Variants in PCDHA1 observed in about 807,000 individuals in gnomAD.
PCDHA1 encodes protocadherin alpha-1.
PCDHA1 carries 42 observed loss-of-function variants against 61.3 expected under a neutral mutation model. That is an observed-to-expected ratio of 0.69 (90% CI 0.54 to 0.89). The LOEUF (loss-of-function observed/expected upper bound fraction) is 0.89, where lower values mean the gene tolerates loss of function less well. PCDHA1 is among the 40% of genes least tolerant of loss of function. PCDHA1 has a pLI of 0.00. For synonymous variants in PCDHA1, 610 were observed against 553.8 expected (o/e 1.10, Z -1.43); for missense variants, 1,256 against 1,235.3 (o/e 1.02, Z -0.25).
At chr5:141,009,104 T>G (rs2098399543) in intron 3 of PCDHA1, among the ~76,000 whole-genome samples, 1 of 152,220 alleles carries the variant, frequency 6.6e-6, no homozygotes, top group Non-Finnish European at 1.5e-5. Flanking sequence ...CATATGTTAC[T>G]ATGAAACTAG....
intron 1 of PCDHA1, among the ~76,000 whole-genome samples, chr5:140,939,663 C>T (rs1282923741): frequency 6.6e-6 from 1 of 152,116 alleles, no homozygotes; most frequent in Non-Finnish European, 1.5e-5. Context: ...ACAGGAATAA[C>T]CAACTTGTAT....
chr5:140,961,385 T>G (rs1480607533), intron 1 of PCDHA1, among the ~76,000 whole-genome samples: 3 of 152,204 alleles, frequency 2.0e-5, no homozygotes, highest in Non-Finnish European at 4.4e-5. Flanking sequence ...GTTTGAACTA[T>G]TCCATTAGTA....
chr5:140,996,678 G>T (rs922990686), intron 3 of PCDHA1, among the ~76,000 whole-genome samples: 28 of 152,162 alleles, frequency 1.8e-4, no homozygotes, highest in African/African-American at 6.7e-4. Context: ...AACCATGTTG[G>T]GCTAGTATTC....
At chr5:140,843,932 T>A (rs1404352255) in intron 1 of PCDHA1, 1 of 583,528 alleles carries the variant, frequency 1.7e-6, no homozygotes, top group Admixed American at 3.5e-5. Flanking sequence ...ACTCAAGTTA[T>A]GGTTGGATGA....
intron 3 of PCDHA1, among the ~76,000 whole-genome samples, chr5:140,993,766 C>T (rs567978996): frequency 9.2e-5 from 14 of 152,082 alleles, no homozygotes; most frequent in African/African-American, 1.7e-4. Context: ...ATTACAATTG[C>T]GCAGTATTTT....
At chr5:140,993,031 C>T (rs186292405) in intron 3 of PCDHA1, among the ~76,000 whole-genome samples, 19 of 152,274 alleles carry the variant, frequency 1.2e-4, no homozygotes, top group Non-Finnish European at 1.8e-4. Context: ...CTGTGGGCTC[C>T]GTGTGTCATC....
intron 1 of PCDHA1, among the ~76,000 whole-genome samples, chr5:140,838,173 GTGCAATCTCAGCTCACT>G (rs1395754886): frequency 2.7e-5 from 4 of 149,160 alleles, no homozygotes; most frequent in African/African-American, 9.9e-5. Context: ...GAGTGCAGTG[GTGCAATCTCAGCTCACT>G]GCAAAATCCG....
intron 1 of PCDHA1, among the ~76,000 whole-genome samples, chr5:140,917,197 C>T (rs928492760): frequency 2.6e-5 from 4 of 152,236 alleles, no homozygotes; most frequent in African/African-American, 7.2e-5. Flanking sequence ...TCTCTCCAAC[C>T]CTCTTCAATG....
At chr5:140,933,047 A>G (rs1482395906) in intron 1 of PCDHA1, among the ~76,000 whole-genome samples, 2 of 152,030 alleles carry the variant, frequency 1.3e-5, no homozygotes, top group Non-Finnish European at 1.5e-5. Flanking sequence ...TATGGATTAC[A>G]GTCCAGGATC....
chr5:140,926,229 G>A (rs1251523401), intron 1 of PCDHA1: 1 of 152,186 alleles, frequency 6.6e-6, no homozygotes, highest in Non-Finnish European at 1.5e-5. Context: ...AGCCTAGAAG[G>A]TGTGGTCGCT....
intron 1 of PCDHA1, among the ~76,000 whole-genome samples, chr5:140,952,125 A>G (rs1027710629): frequency 6.6e-6 from 1 of 152,092 alleles, no homozygotes; most frequent in African/African-American, 2.4e-5. Context: ...TGGGCTCCCA[A>G]GGCCTTGGGA....
chr5:140,849,830 G>T lies in PCDHA1; in HGVS notation c.2394+61146G>T. The T allele has an allele frequency of 1.3e-6, 2 of 1,598,574 alleles. 1 individual carries two copies. Among genetic ancestry groups the T allele is most frequent in the Admixed American group, 3.4e-5 (2 of 59,342 alleles). On this transcript the variant is annotated intron_variant, in intron 1 of 3. Coordinates refer to ENST00000504120, the MANE Select transcript of PCDHA1 (RefSeq NM_018900.4). ...CCACGGCCAGGGTGTCTGTGGAGGT[G>T]GCCGACGTGAACGACAACGCACCAG...
chr5:140,927,813 G>A, intron 1 of PCDHA1: 1 of 1,614,176 alleles, frequency 6.2e-7, no homozygotes, highest in Non-Finnish European at 8.5e-7. Context: ...CGCTCTTGGA[G>A]GCATACATTG....
At chr5:140,830,508 C>T in intron 1 of PCDHA1, 1 of 1,415,164 alleles carries the variant, frequency 7.1e-7, no homozygotes, top group Non-Finnish European at 9.4e-7. Flanking sequence ...TCATAATTAA[C>T]AGTTAATTTT....
At chr5:140,941,255 C>CTTTT (rs782490896) in intron 1 of PCDHA1, among the ~76,000 whole-genome samples, 1 of 44,504 alleles carries the variant, frequency 2.2e-5, no homozygotes, top group Non-Finnish European at 5.1e-5. Flanking sequence ...TTCTTTCTTT[C>CTTTT]TCTTTCTTTC....
intron 1 of PCDHA1, chr5:140,848,346 C>A: frequency 1.1e-6 from 1 of 925,186 alleles, no homozygotes; most frequent in East Asian, 2.4e-5. Context: ...ACAAATACAG[C>A]CCTTTTCCCA....
At chr5:140,808,111 T>G (rs1764100877) in intron 1 of PCDHA1, 2 of 1,614,020 alleles carry the variant, frequency 1.2e-6, no homozygotes, top group Admixed American at 1.7e-5. Flanking sequence ...AGGGATATAT[T>G]GACTTTGAAG....
At chr5:140,809,040 C>A in intron 1 of PCDHA1, 1 of 1,613,822 alleles carries the variant, frequency 6.2e-7, no homozygotes, top group South Asian at 1.1e-5. Flanking sequence ...ACTGGTGGCG[C>A]GCGCATCCCG....
chr5:140,913,237 C>A (rs2076260841), intron 1 of PCDHA1, among the ~76,000 whole-genome samples: 1 of 152,080 alleles, frequency 6.6e-6, no homozygotes, highest in Non-Finnish European at 1.5e-5. Context: ...TGCTGGGAGA[C>A]TTTTTGTTAC....
Sources: gnomAD v4.1 joint callset for allele counts (sites outside exome capture counted in the v4.1 genomes callset) on GRCh38, gnomAD v4.1.1 for gene constraint, MANE v1.5 for transcripts, NCBI Gene and HGNC (gene_info 2026-07-23, HGNC 2026-07-21) for gene names.